Variants in STK26 observed in about 807,000 individuals in gnomAD.
The protein encoded by STK26 is serine/threonine-protein kinase 26.
In STK26, 14 loss-of-function variants were observed where a neutral mutation model predicts 34.7. That is an observed-to-expected ratio of 0.40 (90% CI 0.27 to 0.63). The LOEUF is 0.63. Ranked by LOEUF, STK26 falls within the 30% of genes least tolerant of loss-of-function variation. The probability of loss-of-function intolerance (pLI) is 0.38; values close to 1 mark genes in which losing one functional copy is unlikely to be tolerated. For synonymous variants in STK26, 100 were observed against 109.8 expected (o/e 0.91, Z 0.56); for missense variants, 226 against 309.1 (o/e 0.73, Z 2.02).
At chrX:132,052,154 C>T (rs183428358) in intron 2 of STK26, among the ~76,000 whole-genome samples, 1 of 110,694 alleles carries the variant, frequency 9.0e-6, no homozygotes, top group East Asian at 2.8e-4. Context: ...CCTTGGGATG[C>T]TTGCTATTTA....
intron 2 of STK26, among the ~76,000 whole-genome samples, chrX:132,041,028 T>C (rs1236345261): frequency 8.9e-6 from 1 of 111,847 alleles, no homozygotes; most frequent in African/African-American, 3.3e-5. Flanking sequence ...TCTATCAGTA[T>C]TTTTTTTCCG....
intron 2 of STK26, among the ~76,000 whole-genome samples, chrX:132,035,727 G>A (rs1186976331): frequency 9.3e-6 from 1 of 107,884 alleles, no homozygotes; most frequent in Admixed American, 1.0e-4. Flanking sequence ...TTAAATGCCA[G>A]TAAGTGGCAA....
intron 2 of STK26, among the ~76,000 whole-genome samples, chrX:132,030,878 C>T (rs960352614): frequency 9.0e-6 from 1 of 110,694 alleles, no homozygotes; most frequent in Non-Finnish European, 1.9e-5. Context: ...AATTTTGACC[C>T]CTTCTTTTTT....
intron 4 of STK26, 104 bp from the exon 5 acceptor site, chrX:132,068,111 C>T (rs1396208902): frequency 5.3e-6 from 3 of 562,051 alleles, no homozygotes; most frequent in Admixed American, 3.8e-5. Flanking sequence ...AGAACGGCAT[C>T]ATGTGTCTAA....
intron 2 of STK26, among the ~76,000 whole-genome samples, chrX:132,052,371 G>A (rs1926721328): frequency 9.0e-6 from 1 of 111,476 alleles, no homozygotes; most frequent in African/African-American, 3.3e-5. Flanking sequence ...TGTTTTCATA[G>A]TTCCCTCCAC....
chrX:132,043,186 A>T (rs1926325403), intron 2 of STK26, among the ~76,000 whole-genome samples: 3 of 112,217 alleles, frequency 2.7e-5, no homozygotes, highest in Admixed American at 9.5e-5. Flanking sequence ...CATTTTAATA[A>T]GTGTGCTAAA....
intron 3 of STK26, among the ~76,000 whole-genome samples, chrX:132,057,219 C>G (rs1261582740): frequency 9.0e-6 from 1 of 111,466 alleles, no homozygotes; most frequent in African/African-American, 3.3e-5. Flanking sequence ...ATGTCTTCTT[C>G]TTGAGATGAG....
At chrX:132,060,865 C>T (rs1189910581) in intron 3 of STK26, among the ~76,000 whole-genome samples, 1 of 110,962 alleles carries the variant, frequency 9.0e-6, no homozygotes, top group South Asian at 3.8e-4. Flanking sequence ...GATCCTCCCA[C>T]CTCGGCCTCC....
intron 4 of STK26, among the ~76,000 whole-genome samples, chrX:132,067,899 G>A (rs1021777821): frequency 1.3e-4 from 14 of 110,842 alleles, no homozygotes; most frequent in Admixed American, 3.9e-4. Context: ...CTGTCATTAC[G>A]TAAGCATATT....
chrX:132,041,413 G>T (rs181097896), intron 2 of STK26, among the ~76,000 whole-genome samples: 11 of 112,098 alleles, frequency 9.8e-5, no homozygotes, highest in Admixed American at 9.5e-4. Context: ...GGATTTGTTT[G>T]ATGAATAGTA....
intron 2 of STK26, among the ~76,000 whole-genome samples, chrX:132,031,237 G>A (rs978172733): frequency 8.9e-6 from 1 of 111,927 alleles, no homozygotes; most frequent in Non-Finnish European, 1.9e-5. Context: ...GTGCCCAACC[G>A]AGAGTAATAT....
intron 2 of STK26, among the ~76,000 whole-genome samples, chrX:132,039,442 C>T (rs919629147): frequency 3.3e-4 from 37 of 111,252 alleles, no homozygotes; most frequent in African/African-American, 1.2e-3. Context: ...GTGAAATTGC[C>T]TGTGTGCCTT....
chrX:132,052,794 A>G (rs1457219014), intron 2 of STK26, among the ~76,000 whole-genome samples: 2 of 112,421 alleles, frequency 1.8e-5, no homozygotes, highest in Non-Finnish European at 3.8e-5. Flanking sequence ...GATATATCCT[A>G]TGTATCTTCA....
chrX:132,046,586 G>C (rs898832801), intron 2 of STK26, among the ~76,000 whole-genome samples: 1 of 111,747 alleles, frequency 8.9e-6, no homozygotes, highest in African/African-American at 3.3e-5. Context: ...CATTTTTCTT[G>C]CTGCTATGCA....
intron 2 of STK26, among the ~76,000 whole-genome samples, chrX:132,032,210 G>A (rs1437344923): frequency 9.0e-6 from 1 of 111,583 alleles, no homozygotes; most frequent in African/African-American, 3.3e-5. Context: ...GTGGATGAGA[G>A]TGATTTGTGT....
intron 3 of STK26, among the ~76,000 whole-genome samples, chrX:132,060,639 A>T: frequency 9.6e-6 from 1 of 104,255 alleles, no homozygotes; most frequent in South Asian, 4.3e-4. Flanking sequence ...TTTTTGTGAC[A>T]GGGTCTCACT....
intron 2 of STK26, among the ~76,000 whole-genome samples, chrX:132,041,583 C>T (rs1926267142): frequency 9.1e-6 from 1 of 110,335 alleles, no homozygotes; most frequent in Non-Finnish European, 1.9e-5. Flanking sequence ...CATTTATCTC[C>T]ATCCTGAGGT....
At chrX:132,050,350 T>C (rs767667975) in intron 2 of STK26, among the ~76,000 whole-genome samples, 2 of 112,293 alleles carry the variant, frequency 1.8e-5, no homozygotes, top group South Asian at 7.4e-4. Context: ...TGTTTAAGAA[T>C]ATGTATACAA....
At chrX:132,059,097 C>T (rs931583883) in intron 3 of STK26, among the ~76,000 whole-genome samples, 4 of 111,657 alleles carry the variant, frequency 3.6e-5, no homozygotes, top group African/African-American at 1.3e-4. Context: ...ACTAAAATCA[C>T]GTCAAATATA....
Sources: gnomAD v4.1 joint callset for allele counts (sites outside exome capture counted in the v4.1 genomes callset) on GRCh38, gnomAD v4.1.1 for gene constraint, MANE v1.5 for transcripts, NCBI Gene and HGNC (gene_info 2026-07-23, HGNC 2026-07-21) for gene names.